DIP2C: variants seen among roughly 807,000 people sequenced by gnomAD.
DIP2C encodes disco-interacting protein 2 homolog C.
DIP2C carries 33 observed loss-of-function variants against 192.4 expected under a neutral mutation model. The ratio of observed to expected loss-of-function variants is 0.17; its 90% CI spans 0.13 to 0.23. DIP2C has a LOEUF of 0.23. DIP2C is among the 10% of genes least tolerant of loss of function. DIP2C has a pLI of 1.00. For missense variants in DIP2C, 1,537 were observed against 2,110.1 expected, an observed-to-expected ratio of 0.73 and a Z score of 5.32; for synonymous variants, 979 against 864.1, an observed-to-expected ratio of 1.13 and a Z score of -2.33.
At chr10:357,644 C>T (rs567486442) in intron 23 of DIP2C, among the ~76,000 whole-genome samples, 184 bp downstream of exon 23, 88 of 152,252 alleles carry the variant, frequency 5.8e-4, no homozygotes, top group Non-Finnish European at 9.4e-4. Flanking sequence ...ACCACCAGCG[C>T]GCGACATCGG....
intron 1 of DIP2C, among the ~76,000 whole-genome samples, chr10:656,345 G>C (rs1024112167): frequency 6.6e-6 from 1 of 151,990 alleles, no homozygotes; most frequent in African/African-American, 2.4e-5. Context: ...TCTACTATTT[G>C]TTCTATTCTG....
chr10:536,385 G>A (rs1438584420), intron 1 of DIP2C, among the ~76,000 whole-genome samples: 2 of 151,040 alleles, frequency 1.3e-5, no homozygotes, highest in African/African-American at 2.4e-5. Flanking sequence ...CAGTCCCGGG[G>A]GCTAGAGTTG....
At position 390,382 on chromosome 10, in the gene DIP2C, TAAAC is replaced by T. The variant is rs1405785347; in HGVS notation, c.1385-13_1385-10del. 6.2e-7 allele frequency: 1 copy of T among 1,612,420 alleles called. No individual in the cohort carries two copies. The highest frequency in any genetic ancestry group is 1.3e-5 in the African/African-American group (1 of 74,716). The stretch of plus-strand genomic sequence containing the variant: ...CAGCAGCTTTGGCCAACCTTGGAAA[TAAAC>T]AACAAGTTCCTTTTAAATGTTACTC... On this transcript the variant is annotated splice_polypyrimidine_tract_variant and intron_variant, in intron 11 of 36. Coordinates refer to ENST00000280886, the MANE Select transcript of DIP2C (RefSeq NM_014974.3).
chr10:619,430 G>A (rs1853694117), intron 1 of DIP2C, among the ~76,000 whole-genome samples: 1 of 151,104 alleles, frequency 6.6e-6, no homozygotes. Context: ...GGTCCTTATG[G>A]CACCCACCAT....
rs182922030 is a variant in DIP2C, at chr10:613,259, C to T, written c.85+76235G>A. On this transcript the variant is annotated intron_variant, in intron 1 of 36. Transcript: ENST00000280886. Reference sequence around the variant, plus strand: ...CACCTGCTCCAAGCCAGTGAGAGGACGCTCGGACAGTCCCTTACAGGTCCT... The same window carrying T: ...CACCTGCTCCAAGCCAGTGAGAGGATGCTCGGACAGTCCCTTACAGGTCCT... Among the ~76,000 whole-genome samples the T allele has an allele frequency of 4.1e-4, 62 of 152,358 alleles. 1 individual carries two copies. Among genetic ancestry groups the T allele is most frequent in the East Asian group, 3.3e-3 (17 of 5,184 alleles).
At chr10:450,362 C>A (rs1050938124) in intron 3 of DIP2C, among the ~76,000 whole-genome samples, 10 of 152,344 alleles carry the variant, frequency 6.6e-5, no homozygotes, top group African/African-American at 2.2e-4. Context: ...CCTTGACTCA[C>A]TTCTACAGAT....
chr10:575,856 G>A (rs1850116348), intron 1 of DIP2C, among the ~76,000 whole-genome samples: 3 of 152,176 alleles, frequency 2.0e-5, no homozygotes, highest in South Asian at 2.1e-4. Flanking sequence ...TTTCAGAAAC[G>A]TGCAACAATG....
chr10:343,204 G>T (rs117374625), intron 28 of DIP2C, among the ~76,000 whole-genome samples: 2 of 152,194 alleles, frequency 1.3e-5, no homozygotes, highest in Non-Finnish European at 2.9e-5. Context: ...CAGGAGAATC[G>T]CTTGAACCAA....
intron 1 of DIP2C, among the ~76,000 whole-genome samples, chr10:627,209 A>G (rs1263828890): frequency 1.3e-5 from 2 of 152,202 alleles, no homozygotes; most frequent in African/African-American, 2.4e-5. Flanking sequence ...TGTGGCCCTC[A>G]GGCCCCCGAA....
chr10:564,146 A>C (rs139597905), intron 1 of DIP2C, among the ~76,000 whole-genome samples: 4 of 152,330 alleles, frequency 2.6e-5, no homozygotes, highest in Non-Finnish European at 5.9e-5. Context: ...CCCTGTGAGA[A>C]TATAAAGTGT....
chr10:414,722 TGTGTGTGTGTGTGTGTGTAC>T (rs1193659020), intron 7 of DIP2C, among the ~76,000 whole-genome samples: 2 of 76,552 alleles, frequency 2.6e-5, no homozygotes, highest in Admixed American at 1.5e-4. Context: ...TGTGTGTGTG[TGTGTGTGTGTGTGTGTGTAC>T]ATATATATAT....
intron 1 of DIP2C, among the ~76,000 whole-genome samples, chr10:680,691 A>G (rs117267954): frequency 9.4e-4 from 143 of 152,352 alleles, no homozygotes; most frequent in South Asian, 2.3e-3. Flanking sequence ...TTTCCATGCG[A>G]TGAGAAAGGG....
chr10:567,984 A>AC (rs1334762935), intron 1 of DIP2C, among the ~76,000 whole-genome samples: 2 of 152,068 alleles, frequency 1.3e-5, no homozygotes, highest in African/African-American at 2.4e-5. Flanking sequence ...CAGGACATCC[A>AC]CGTCCCACCG....
At chr10:640,162 C>T (rs575581287) in intron 1 of DIP2C, among the ~76,000 whole-genome samples, 4 of 152,364 alleles carry the variant, frequency 2.6e-5, no homozygotes, top group East Asian at 3.9e-4. Flanking sequence ...TACCACGCGG[C>T]TAACACACAC....
intron 1 of DIP2C, among the ~76,000 whole-genome samples, chr10:579,282 C>A (rs900877520): frequency 2.0e-5 from 3 of 151,172 alleles, no homozygotes; most frequent in Admixed American, 2.0e-4. Context: ...ATACACACAT[C>A]CAGATTCATG....
intron 8 of DIP2C, among the ~76,000 whole-genome samples, chr10:413,352 G>C (rs1209304301): frequency 1.3e-5 from 2 of 152,172 alleles, no homozygotes; most frequent in African/African-American, 2.4e-5. Context: ...AACCGATTTT[G>C]ATTTTTCTGA....
Position 423,046 on chromosome 10 carries a change from A to G in DIP2C, c.395-13T>C. On this transcript the variant is annotated splice_polypyrimidine_tract_variant and intron_variant, in intron 4 of 36. Coordinates refer to ENST00000280886, the MANE Select transcript of DIP2C (RefSeq NM_014974.3). ...CCAGAAGAGGTATCTGTGTAAGAAG[A>G]AAGGTGATTTGCTGTATGTTGCAGC... 1 of 1,587,898 alleles carries G rather than the reference A, an allele frequency of 6.3e-7. No individual in the cohort carries two copies. Among genetic ancestry groups the G allele is most frequent in the African/African-American group, 1.3e-5 (1 of 74,518 alleles).
intron 1 of DIP2C, among the ~76,000 whole-genome samples, chr10:563,098 C>G (rs536133405): frequency 3.3e-5 from 5 of 152,324 alleles, no homozygotes; most frequent in African/African-American, 1.2e-4. Flanking sequence ...ATCACAGTAT[C>G]TGGAGGCCTG....
At chr10:417,699 CCTGTCGGCTCAA>C in intron 6 of DIP2C, among the ~76,000 whole-genome samples, 1 of 122,670 alleles carries the variant, frequency 8.2e-6, no homozygotes, top group African/African-American at 3.1e-5. Context: ...TCCGCCTGTG[CCTGTCGGCTCAA>C]ATAGGCCTCC....
Sources: allele counts gnomAD v4.1 joint callset (sites outside exome capture counted in the v4.1 genomes callset), GRCh38; gene constraint gnomAD v4.1.1; transcripts MANE v1.5; gene names NCBI Gene and HGNC (gene_info 2026-07-23, HGNC 2026-07-21).